Variants in LMNB2 observed in about 807,000 individuals in gnomAD.
The protein encoded by LMNB2 is lamin-B2.
Under a neutral mutation model 69.3 loss-of-function variants are expected in LMNB2, and 17 were observed. The ratio of observed to expected loss-of-function variants is 0.25; its 90% CI spans 0.17 to 0.37. The LOEUF is 0.37. Among genes scored for constraint, LMNB2 ranks in the 10% least tolerant of loss-of-function variants. LMNB2 has a pLI of 1.00. For missense variants in LMNB2, 789 were observed against 883.6 expected (o/e 0.89, Z 1.36); for synonymous variants, 397 against 389.3 (o/e 1.02, Z -0.23).
chr19:2,443,455 C>G lies in LMNB2; in HGVS notation c.401+949G>C, dbSNP rs573553643. On this transcript the variant is annotated intron_variant, in intron 2 of 11. Transcript: ENST00000325327. This position sits in a 1 kb window ranked among gnomAD's most constrained non-coding sequence, Gnocchi z 6.2. ...CCAACTCAGGGACAACGTGGATTCT[C>G]AAGCCACTGGCTGCTGTCACCCCCG... Among the ~76,000 whole-genome samples the G allele has an allele frequency of 6.6e-6, 1 of 152,316 alleles. No individual in the cohort carries two copies. The highest frequency in any genetic ancestry group is 1.9e-4 in the East Asian group (1 of 5,182).
intron 2 of LMNB2, among the ~76,000 whole-genome samples, chr19:2,442,679 C>T (rs751267372): frequency 5.6e-4 from 85 of 152,036 alleles, no homozygotes; most frequent in Non-Finnish European, 1.0e-3. Context: ...CCTGGGAGTT[C>T]GAGGCTGCAG....
In LMNB2 at chr19:2,434,089, TG is replaced by T; in HGVS notation, c.1218del (p.Ser407AlafsTer168). On this transcript the variant is annotated frameshift_variant, in exon 8 of 12. Transcript: ENST00000325327. LOFTEE classifies it high-confidence loss of function. ...GAGACGGTGACGCGCGAGGATGGGC[TG>T]GGGGACAGCTTCAGCCTGTGGGGAA... ...EGEEERLKLS[P>X]SPSSRVTVSR... is the part of the protein sequence containing the mutation. 1 of 1,590,480 alleles carries T rather than the reference TG, an allele frequency of 6.3e-7. No homozygotes were observed. Among genetic ancestry groups the T allele is most frequent in the Non-Finnish European group, 8.5e-7 (1 of 1,170,464 alleles).
intron 1 of LMNB2, among the ~76,000 whole-genome samples, chr19:2,456,035 T>C (rs1383040346): frequency 2.9e-5 from 4 of 140,288 alleles, no homozygotes; most frequent in African/African-American, 1.1e-4. Context: ...GCACCCTTCA[T>C]CCAGGAGCCC....
At chr19:2,454,952 G>A (rs748237685) in intron 1 of LMNB2, among the ~76,000 whole-genome samples, 69 of 151,864 alleles carry the variant, frequency 4.5e-4, no homozygotes, top group Non-Finnish European at 8.2e-4. Flanking sequence ...CTGAAGCCTC[G>A]GGGCCCATTC....
intron 1 of LMNB2, among the ~76,000 whole-genome samples, chr19:2,455,566 G>A (rs1285597012): frequency 2.6e-5 from 4 of 152,080 alleles, no homozygotes; most frequent in Admixed American, 1.3e-4. Context: ...CACCTCTCAC[G>A]GAAGGGTCCC....
intron 1 of LMNB2, among the ~76,000 whole-genome samples, chr19:2,452,911 GGATGGGT>G (rs1972042460): frequency 1.2e-5 from 1 of 84,902 alleles, no homozygotes; most frequent in African/African-American, 4.9e-5. Flanking sequence ...TCCTCGTGGG[GGATGGGT>G]CATCCTCATG....
At chr19:2,440,720 T>TCATC (rs142407808) in intron 2 of LMNB2, among the ~76,000 whole-genome samples, 4 of 151,138 alleles carry the variant, frequency 2.6e-5, no homozygotes, top group Admixed American at 6.6e-5. Flanking sequence ...ATCCATCTAC[T>TCATC]CATCCATCCA....
Position 2,432,289 on chromosome 19 carries a change from G to A in LMNB2, c.1590+127C>T, listed in dbSNP as rs147787932. ...TGGAGGTTCTATGACTGCGGCAGCC[G>A]CTCTGAGACGGTGCCTGGTGCCACC... On this transcript the variant is annotated intron_variant, in intron 9 of 11. Transcript: ENST00000325327. 1.4e-3 allele frequency: 1,091 copies of A among 803,802 alleles called. 18 individuals carry two copies. In the East Asian group the frequency reaches 0.018, roughly 14 times the overall value. 49.8% of individuals were successfully genotyped at this position (803,802 alleles called of 1,614,324 possible).
rs370755665 is a variant in LMNB2, at chr19:2,443,631, G to A, written c.401+773C>T. Among the ~76,000 whole-genome samples, 201 of 152,266 alleles carry A rather than the reference G, an allele frequency of 1.3e-3. No individual in the cohort carries two copies. Among genetic ancestry groups the A allele is most frequent in the African/African-American group, 4.7e-3 (196 of 41,548 alleles). On this transcript the variant is annotated intron_variant, in intron 2 of 11. Transcript: ENST00000325327. The surrounding 1 kb of genome is among the most constrained non-coding windows in gnomAD (Gnocchi z 6.2). ...AGGCACCTGCAGGTGCCTGAATGCC[G>A]GTGGCCGGAGACCACGGAAGACAGT...
intron 11 of LMNB2, among the ~76,000 whole-genome samples, 157 bp downstream of exon 11, chr19:2,431,391 C>G (rs547136596): frequency 6.6e-6 from 1 of 152,278 alleles, no homozygotes; most frequent in Admixed American, 6.5e-5. Flanking sequence ...AGGTCTCTGC[C>G]GTGCTGGTAA....
intron 1 of LMNB2, among the ~76,000 whole-genome samples, chr19:2,451,463 G>A (rs745379402): frequency 1.3e-5 from 2 of 152,224 alleles, no homozygotes; most frequent in Non-Finnish European, 2.9e-5. Context: ...TGCTGACCAT[G>A]CCTGGTCTGC....
At position 2,434,412 on chromosome 19, in the gene LMNB2, T is replaced by G. The variant is rs1971793501; in HGVS notation, c.1085A>C (p.Glu362Ala). 1 of 1,613,328 alleles carries G rather than the reference T, an allele frequency of 6.2e-7. No individual in the cohort carries two copies. The highest frequency in any genetic ancestry group is 1.7e-5 in the Admixed American group (1 of 60,010). Residue 362 changes from glutamate to alanine, a missense_variant, in exon 7 of 12, where the codon GAG (glutamate) becomes GCG (alanine). Coordinates refer to ENST00000325327, the MANE Select transcript of LMNB2 (RefSeq NM_032737.4). ...CTGCTGCTGCATCACGTCCCGCATC[T>G]CCGTCATCTCCTGCTCCTTGGCGTC... is the stretch of plus-strand genomic sequence containing the variant. Reference protein sequence around the residue: ...MLDAKEQEMTEMRDVMQQQLA... With the variant: ...MLDAKEQEMTAMRDVMQQQLA...
chr19:2,453,105 G>A lies in LMNB2; in HGVS notation c.264+3565C>T, dbSNP rs1007124233. 1.6e-4 allele frequency among the ~76,000 whole-genome samples: 24 copies of A among 151,694 alleles called. No individual in the cohort carries two copies. In the East Asian group the frequency reaches 2.5e-3, roughly 16 times the overall value. On this transcript the variant is annotated intron_variant, in intron 1 of 11. Coordinates refer to ENST00000325327, the MANE Select transcript of LMNB2 (RefSeq NM_032737.4). The surrounding 1 kb of genome is among the most constrained non-coding windows in gnomAD (Gnocchi z 4.4). Reference sequence around the variant, plus strand: ...TCCTCGTGAGGGCTGCGTCATCCTCGTGGGGGCCAGGTGATTCTCTTCTCG... The same window carrying A: ...TCCTCGTGAGGGCTGCGTCATCCTCATGGGGGCCAGGTGATTCTCTTCTCG...
chr19:2,432,111 C>G (rs1971748332), intron 9 of LMNB2, among the ~76,000 whole-genome samples: 1 of 152,134 alleles, frequency 6.6e-6, no homozygotes, highest in Non-Finnish European at 1.5e-5. Context: ...CAAGCAGGGG[C>G]TGAACTGGGA....
In LMNB2 at chr19:2,430,848, T is replaced by G; in HGVS notation, c.*63A>C. Reference sequence around the variant, plus strand: ...TGTATCAAGAACTAAAGAAAGCCAATGATATAAAAATAGTTTTCAGTGGCT... The same window carrying G: ...TGTATCAAGAACTAAAGAAAGCCAAGGATATAAAAATAGTTTTCAGTGGCT... On this transcript the variant is annotated 3_prime_UTR_variant, in exon 12 of 12. Transcript: ENST00000325327. The G allele has an allele frequency of 9.6e-7, 1 of 1,042,122 alleles. No homozygotes were observed. Among genetic ancestry groups the G allele is most frequent in the Non-Finnish European group, 1.5e-6 (1 of 657,238 alleles). The allele number at this position is 1,042,122 out of a possible 1,614,324, so 64.6% of individuals were successfully genotyped here.
At chr19:2,440,760 CATCT>C (rs1435131586) in intron 2 of LMNB2, among the ~76,000 whole-genome samples, 15 of 151,954 alleles carry the variant, frequency 9.9e-5, no homozygotes, top group East Asian at 5.8e-4. Flanking sequence ...ATCCATCCAT[CATCT>C]ATCTATCCAT....
At chr19:2,431,323 C>T (rs576852214) in intron 11 of LMNB2, among the ~76,000 whole-genome samples, 1 of 152,180 alleles carries the variant, frequency 6.6e-6, no homozygotes, top group East Asian at 1.9e-4. Flanking sequence ...TGGCCAGCTA[C>T]CCTGAGGTCT....
chr19:2,444,890 C>A (rs578247357), intron 1 of LMNB2, among the ~76,000 whole-genome samples: 1 of 152,314 alleles, frequency 6.6e-6, no homozygotes, highest in South Asian at 2.1e-4. Flanking sequence ...AGGCCCTGGG[C>A]CTGGACCAGC....
intron 9 of LMNB2, among the ~76,000 whole-genome samples, 173 bp from the exon 10 acceptor site, chr19:2,432,075 G>C (rs733820): frequency 1.3e-5 from 2 of 152,024 alleles, no homozygotes; most frequent in Admixed American, 1.3e-4. Context: ...AAGAGACCAG[G>C]GTTCACAGAG....
Sources: allele counts gnomAD v4.1 joint callset (sites outside exome capture counted in the v4.1 genomes callset), GRCh38; gene constraint gnomAD v4.1.1; non-coding constraint Gnocchi (gnomAD v3.1); transcripts MANE v1.5; gene names NCBI Gene and HGNC (gene_info 2026-07-23, HGNC 2026-07-21).